ADGRD1: variants seen among roughly 807,000 people sequenced by gnomAD.
The protein encoded by ADGRD1 is adhesion G protein-coupled receptor D1, also known as G-protein coupled receptor 133.
A neutral mutation model predicts 113.4 loss-of-function variants in ADGRD1; 77 were observed. The ratio of observed to expected loss-of-function variants is 0.68; its 90% CI spans 0.57 to 0.82. The LOEUF is 0.82. Among genes scored for constraint, ADGRD1 ranks in the 40% least tolerant of loss-of-function variants. The pLI, the probability that ADGRD1 is intolerant of heterozygous loss-of-function variation, is 0.00. For synonymous variants in ADGRD1, 474 were observed against 475.0 expected (o/e 1.00, Z 0.03); for missense variants, 1,036 against 1,139.1 (o/e 0.91, Z 1.30).
chr12:131,019,093 A>G (rs1878992052), intron 13 of ADGRD1, among the ~76,000 whole-genome samples: 1 of 152,194 alleles, frequency 6.6e-6, no homozygotes, highest in Non-Finnish European at 1.5e-5. Flanking sequence ...GCTTTTTAAC[A>G]TTGTTTGCTC....
chr12:131,002,405 G>T, intron 9 of ADGRD1: 1 of 494,038 alleles, frequency 2.0e-6, no homozygotes, highest in Non-Finnish European at 2.6e-6. Context: ...ATCTAAAATT[G>T]GCCTCAGCAT....
intron 13 of ADGRD1, among the ~76,000 whole-genome samples, chr12:131,045,505 A>AC (rs35800678): frequency 8.3e-4 from 122 of 146,376 alleles, no homozygotes; most frequent in Middle Eastern, 3.5e-3. Context: ...CTGTACAGGG[A>AC]CCCCCCCCCA....
intron 4 of ADGRD1, chr12:130,981,006 G>C (rs1008019487): frequency 1.3e-5 from 2 of 152,228 alleles, no homozygotes; most frequent in Non-Finnish European, 2.9e-5. Flanking sequence ...GACTTACCAC[G>C]AATGTGCAGA....
intron 19 of ADGRD1, among the ~76,000 whole-genome samples, chr12:131,118,999 T>C (rs1950528437): frequency 6.6e-6 from 1 of 152,112 alleles, no homozygotes; most frequent in Non-Finnish European, 1.5e-5. Context: ...AGCTCATGGG[T>C]CCACAGTTGT....
In ADGRD1 at chr12:131,041,885, T is replaced by C. The variant is rs142927939; in HGVS notation, c.1473+27545T>C. Among the ~76,000 whole-genome samples, 3 of 152,336 alleles carry C rather than the reference T, an allele frequency of 2.0e-5. No homozygotes were observed. Among genetic ancestry groups the C allele is most frequent in the East Asian group, 1.9e-4 (1 of 5,182 alleles). ...ATTTTTCTAGATGCCACTGCTGACA[T>C]TGACATGACCTAGGGTTCCTTTGCA... On this transcript the variant is annotated intron_variant, in intron 13 of 24. Coordinates refer to ENST00000261654, the MANE Select transcript of ADGRD1 (RefSeq NM_198827.5). This position sits in a 1 kb window ranked among gnomAD's most constrained non-coding sequence, Gnocchi z 4.4.
chr12:131,101,547 C>T (rs1253903315), intron 15 of ADGRD1, among the ~76,000 whole-genome samples: 1 of 151,864 alleles, frequency 6.6e-6, no homozygotes, highest in African/African-American at 2.4e-5. Flanking sequence ...GCCATCATGT[C>T]TGGCTAATTT....
intron 5 of ADGRD1, among the ~76,000 whole-genome samples, chr12:130,982,334 TCA>T (rs1873107101): frequency 1.3e-5 from 2 of 152,206 alleles, no homozygotes; most frequent in Non-Finnish European, 2.9e-5. Flanking sequence ...CACACTGACC[TCA>T]GTGATCACAC....
At position 131,003,193 on chromosome 12, in the gene ADGRD1, C is replaced by T. The variant is rs758512461; in HGVS notation, c.1035C>T (p.Ala345=). Residue 345 remains alanine, a synonymous_variant, in exon 10 of 25, where the codon GCC becomes GCT. Coordinates refer to ENST00000261654, the MANE Select transcript of ADGRD1 (RefSeq NM_198827.5). The surrounding 1 kb of genome is among the most constrained non-coding windows in gnomAD (Gnocchi z 4.8). The part of the protein sequence containing the change: ...PGWIALSEDS[A]VVLSLIDTID... ...TGCTTGTGTTGCTGCAGGACAGCGCCGTGGTACTGAGTCTCATCGACACTA... is the reference window on the plus strand; with the variant it reads ...TGCTTGTGTTGCTGCAGGACAGCGCTGTGGTACTGAGTCTCATCGACACTA... The T allele has an allele frequency of 2.6e-5, 42 of 1,612,948 alleles. No homozygotes were observed. Among genetic ancestry groups the T allele is most frequent in the African/African-American group, 9.3e-5 (7 of 74,872 alleles).
intron 15 of ADGRD1, among the ~76,000 whole-genome samples, chr12:131,087,904 A>G (rs1886603096): frequency 6.6e-6 from 1 of 152,234 alleles, no homozygotes; most frequent in South Asian, 2.1e-4. Flanking sequence ...ACGTAGAAAC[A>G]GTTCCTGGGT....
At chr12:131,070,847 C>T (rs1386128676) in intron 13 of ADGRD1, 2 of 518,902 alleles carry the variant, frequency 3.9e-6, no homozygotes, top group Non-Finnish European at 7.7e-6. Flanking sequence ...GTGCCCTGCC[C>T]ATGTGGTCAT....
chr12:131,131,217 G>A (rs1177052883), intron 20 of ADGRD1, among the ~76,000 whole-genome samples: 1 of 152,220 alleles, frequency 6.6e-6, no homozygotes, highest in African/African-American at 2.4e-5. Flanking sequence ...GCAAGGAGGG[G>A]TGCTGGCAGG....
chr12:131,021,183 A>G (rs1461277749), intron 13 of ADGRD1, among the ~76,000 whole-genome samples: 1 of 152,216 alleles, frequency 6.6e-6, no homozygotes, highest in African/African-American at 2.4e-5. Context: ...ATTTTTAAGT[A>G]CAATGATTGA....
Position 131,108,880 on chromosome 12 carries a change from A to G in ADGRD1, c.2041+3A>G. On this transcript the variant is annotated splice_donor_region_variant and intron_variant, in intron 18 of 24. Coordinates refer to ENST00000261654, the MANE Select transcript of ADGRD1 (RefSeq NM_198827.5). ...TTACTACTATGGGATGGGATGGGGT[A>G]GGTGGGGCAGGGCAGGTGGGATGGC... 3.0e-6 allele frequency: 2 copies of G among 656,410 alleles called. No individual in the cohort carries two copies. Among genetic ancestry groups the G allele is most frequent in the South Asian group, 1.8e-5 (1 of 55,864 alleles). The allele number at this position is 656,410 out of a possible 1,614,324, so 40.7% of individuals were successfully genotyped here.
intron 8 of ADGRD1, among the ~76,000 whole-genome samples, chr12:130,999,185 A>AATCTGG (rs1392984500): frequency 1.3e-5 from 2 of 152,240 alleles, no homozygotes; most frequent in African/African-American, 4.8e-5. Context: ...CCTCGAGTCA[A>AATCTGG]ATCTGGCCCG....
intron 8 of ADGRD1, chr12:130,994,269 TA>T (rs1162748643): frequency 2.2e-6 from 1 of 452,688 alleles, no homozygotes; most frequent in South Asian, 1.6e-5. Context: ...TGGTATGCAG[TA>T]AGTGCTTTAT....
chr12:131,021,660 C>T (rs1232098959), intron 13 of ADGRD1, among the ~76,000 whole-genome samples: 4 of 152,118 alleles, frequency 2.6e-5, no homozygotes, highest in African/African-American at 9.7e-5. Flanking sequence ...GTGTCTTCTC[C>T]CTATGTCCTC....
intron 12 of ADGRD1, among the ~76,000 whole-genome samples, chr12:131,012,096 G>A (rs1408248498): frequency 1.3e-5 from 2 of 152,156 alleles, no homozygotes; most frequent in South Asian, 2.1e-4. Context: ...GATACTACCC[G>A]GGTCTGCGGC....
chr12:131,049,529 C>T (rs1468394056), intron 13 of ADGRD1, among the ~76,000 whole-genome samples: 1 of 152,224 alleles, frequency 6.6e-6, no homozygotes, highest in African/African-American at 2.4e-5. Flanking sequence ...ATGCACATGT[C>T]ACTGAAATAA....
chr12:131,139,431 T>A lies in ADGRD1; in HGVS notation c.*168T>A, dbSNP rs1481870952. ...TGTGACTCTGGCTGTCGGAGCACAC[T>A]GCTCAGCCCAGCAGCCTGATGCCCA... On this transcript the variant is annotated 3_prime_UTR_variant, in exon 25 of 25. Transcript: ENST00000261654. The A allele has an allele frequency of 3.3e-6, 2 of 604,160 alleles. No individual in the cohort carries two copies. Among genetic ancestry groups the A allele is most frequent in the African/African-American group, 3.7e-5 (2 of 54,478 alleles). The allele number at this position is 604,160 out of a possible 1,614,324, so 37.4% of individuals were successfully genotyped here.
Sources: allele counts gnomAD v4.1 joint callset (sites outside exome capture counted in the v4.1 genomes callset), GRCh38; gene constraint gnomAD v4.1.1; non-coding constraint Gnocchi (gnomAD v3.1); transcripts MANE v1.5; gene names NCBI Gene and HGNC (gene_info 2026-07-23, HGNC 2026-07-21).